Variants in SLC35E3 observed in about 807,000 individuals in gnomAD.
The protein encoded by SLC35E3 is solute carrier family 35 member E3.
A neutral mutation model predicts 30.8 loss-of-function variants in SLC35E3; 28 were observed. The observed-to-expected ratio is 0.91, with a 90% CI of 0.67 to 1.25. The LOEUF (loss-of-function observed/expected upper bound fraction) is 1.25. Among genes scored for constraint, SLC35E3 ranks in the 50% most tolerant of loss-of-function variants. The pLI, the probability that SLC35E3 is intolerant of heterozygous loss-of-function variation, is 0.00. For synonymous variants in SLC35E3, 146 were observed against 149.2 expected, an observed-to-expected ratio of 0.98 and a Z score of 0.16; for missense variants, 365 against 375.4, an observed-to-expected ratio of 0.97 and a Z score of 0.23.
chr12:68,759,052 A>T, intron 3 of SLC35E3, 105 bp from the exon 4 acceptor site: 1 of 866,152 alleles, frequency 1.2e-6, no homozygotes, highest in Non-Finnish European at 1.9e-6. Flanking sequence ...CTTATTTATT[A>T]ATGGTTGATA....
At chr12:68,747,540 T>C (rs574515866) in intron 1 of SLC35E3, among the ~76,000 whole-genome samples, 6 of 152,224 alleles carry the variant, frequency 3.9e-5, no homozygotes, top group Non-Finnish European at 8.8e-5. Context: ...AGCGCTGGGG[T>C]TACAGTGGTG....
At chr12:68,751,210 C>T (rs143347324) in intron 2 of SLC35E3, among the ~76,000 whole-genome samples, 2 of 151,990 alleles carry the variant, frequency 1.3e-5, no homozygotes, top group African/African-American at 4.8e-5. Flanking sequence ...ACTGACGAGA[C>T]CACATACCTT....
chr12:68,751,581 A>G (rs1330706043), intron 2 of SLC35E3, among the ~76,000 whole-genome samples: 1 of 152,156 alleles, frequency 6.6e-6, no homozygotes, highest in Non-Finnish European at 1.5e-5. Flanking sequence ...GGTGTCAGCC[A>G]CTGCTCCTGG....
At chr12:68,757,576 T>C (rs1271490759) in intron 3 of SLC35E3, among the ~76,000 whole-genome samples, 1 of 152,194 alleles carries the variant, frequency 6.6e-6, no homozygotes, top group East Asian at 1.9e-4. Flanking sequence ...ACTTTGTGGA[T>C]GTATGTGAAA....
In SLC35E3 at chr12:68,779,610, G is replaced by C. The variant is rs1260200917; in HGVS notation, c.*14720G>C. On this transcript the variant is annotated 3_prime_UTR_variant, in exon 5 of 5. Transcript: ENST00000398004. ...AGGAAGCCATTTGCAAAACTTCACAGGAAAGTTAAATGAATGAATGAATAA... is the reference window on the plus strand; with the variant it reads ...AGGAAGCCATTTGCAAAACTTCACACGAAAGTTAAATGAATGAATGAATAA... 1 of 152,134 alleles carries C rather than the reference G, an allele frequency of 6.6e-6. No homozygotes were observed. The highest frequency in any genetic ancestry group is 1.9e-4 in the East Asian group (1 of 5,198). The allele number at this position is 152,134 out of a possible 1,614,324, so 9.4% of individuals were successfully genotyped here.
At chr12:68,763,365 T>TTGTG (rs754969282) in intron 4 of SLC35E3, among the ~76,000 whole-genome samples, 9 of 150,830 alleles carry the variant, frequency 6.0e-5, no homozygotes, top group Admixed American at 1.3e-4. Flanking sequence ...ATATAAGTAA[T>TTGTG]TGTGTGTGTG....
chr12:68,765,131 C>T lies in SLC35E3; in HGVS notation c.*241C>T, dbSNP rs1320995040. On this transcript the variant is annotated 3_prime_UTR_variant, in exon 5 of 5. Transcript: ENST00000398004. ...ATTAGCCAGGCGTGGTGGCGCATGCCTGTAATCCCAGCTACTCGGGAGGCT... is the reference window on the plus strand; with the variant it reads ...ATTAGCCAGGCGTGGTGGCGCATGCTTGTAATCCCAGCTACTCGGGAGGCT... 2 of 268,656 alleles carry T rather than the reference C, an allele frequency of 7.4e-6. No individual in the cohort carries two copies. The highest frequency in any genetic ancestry group is 1.4e-5 in the Non-Finnish European group (2 of 140,518). The allele number at this position is 268,656 out of a possible 1,614,324, so 16.6% of individuals were successfully genotyped here. A position where few individuals can be genotyped will look rare whatever the true frequency, so the allele number is the denominator to read the frequency against.
In SLC35E3 at chr12:68,777,130, C is replaced by T. The variant is rs976889371; in HGVS notation, c.*12240C>T. The T allele has an allele frequency of 6.6e-6, 1 of 152,178 alleles. No homozygotes were observed. The highest frequency in any genetic ancestry group is 2.4e-5 in the African/African-American group (1 of 41,436). The allele number at this position is 152,178 out of a possible 1,614,324, so 9.4% of individuals were successfully genotyped here. A position where few individuals can be genotyped will look rare whatever the true frequency, so the allele number is the denominator to read the frequency against. ...TTCAACAGGTATTCAGTAAGCAGAT[C>T]TAGGAAAAACTCACTCTAATAACGT... On this transcript the variant is annotated 3_prime_UTR_variant, in exon 5 of 5. Coordinates refer to ENST00000398004, the MANE Select transcript of SLC35E3 (RefSeq NM_018656.5).
In SLC35E3 at chr12:68,752,160, A is replaced by G; in HGVS notation, c.642A>G (p.Gly214=). The part of the protein sequence containing the change: ...PFFEPVFGEG[G]IFGPWSVSAL... ...TTGAGCCAGTGTTTGGAGAAGGAGG[A>G]ATATTTGGTCCCTGGTCAGTTTCTG... The change falls in exon 3 of 5, where the codon GGA becomes GGG. Residue 214 remains glycine, a synonymous_variant. Transcript: ENST00000398004. 6.2e-7 allele frequency: 1 copy of G among 1,613,186 alleles called. No individual in the cohort carries two copies. Among genetic ancestry groups the G allele is most frequent in the South Asian group, 1.1e-5 (1 of 90,840 alleles).
Position 68,764,946 on chromosome 12 carries a change from G to A in SLC35E3, c.*56G>A. 6.5e-7 allele frequency: 1 copy of A among 1,549,886 alleles called. No individual in the cohort carries two copies. On this transcript the variant is annotated 3_prime_UTR_variant, in exon 5 of 5. Transcript: ENST00000398004. ...CCAAGAAGATAAAAAATATTGTTAAGTGTGCAAGTTATTAAAAAAAAAAAA... is the reference window on the plus strand; with the variant it reads ...CCAAGAAGATAAAAAATATTGTTAAATGTGCAAGTTATTAAAAAAAAAAAA...
intron 4 of SLC35E3, among the ~76,000 whole-genome samples, chr12:68,763,493 G>A (rs761471456): frequency 2.6e-5 from 4 of 151,992 alleles, no homozygotes; most frequent in Admixed American, 6.6e-5. Context: ...AGGTTCAAGC[G>A]ATTCTCCTGC....
chr12:68,751,494 A>G (rs1031157429), intron 2 of SLC35E3, among the ~76,000 whole-genome samples: 4 of 152,022 alleles, frequency 2.6e-5, no homozygotes, highest in African/African-American at 9.7e-5. Context: ...GGGTTTCACC[A>G]TGTTGGCCAG....
At chr12:68,764,619 T>G (rs941204193) in intron 4 of SLC35E3, 85 bp from the exon 5 acceptor site, 4 of 1,292,044 alleles carry the variant, frequency 3.1e-6, no homozygotes, top group Non-Finnish European at 4.3e-6. Flanking sequence ...GGGCTGCTTT[T>G]GGGTTGTTTT....
At chr12:68,761,657 A>G (rs1014817855) in intron 4 of SLC35E3, among the ~76,000 whole-genome samples, 6 of 152,228 alleles carry the variant, frequency 3.9e-5, no homozygotes, top group Non-Finnish European at 7.3e-5. Flanking sequence ...GTTGAGAACT[A>G]CTGGACTGAA....
In SLC35E3 at chr12:68,772,828, A is replaced by C. The variant is rs1420013556; in HGVS notation, c.*7938A>C. The C allele has an allele frequency of 6.6e-6, 1 of 152,134 alleles. No individual in the cohort carries two copies. The highest frequency in any genetic ancestry group is 1.5e-5 in the Non-Finnish European group (1 of 68,034). The allele number at this position is 152,134 out of a possible 1,614,324, so 9.4% of individuals were successfully genotyped here. On this transcript the variant is annotated 3_prime_UTR_variant, in exon 5 of 5. Coordinates refer to ENST00000398004, the MANE Select transcript of SLC35E3 (RefSeq NM_018656.5). ...TTTGTCTTACTCTCCCCCCAAAAAGAGTCAGTTTCCTGTTTTCTCAATTTC... is the reference window on the plus strand; with the variant it reads ...TTTGTCTTACTCTCCCCCCAAAAAGCGTCAGTTTCCTGTTTTCTCAATTTC...
chr12:68,748,155 A>G (rs74103032), intron 2 of SLC35E3, 115 bp downstream of exon 2: 3 of 631,576 alleles, frequency 4.8e-6, no homozygotes, highest in Non-Finnish European at 8.4e-6. Context: ...GGAAGAAAGC[A>G]TAATTGCATA....
In SLC35E3 at chr12:68,766,621, G is replaced by A. The variant is rs1180883257; in HGVS notation, c.*1731G>A. On this transcript the variant is annotated 3_prime_UTR_variant, in exon 5 of 5. Transcript: ENST00000398004. ...TTATTTTCTTATTTTTTGTCTTACA[G>A]TCGACCAGGCTGGAATGCAGTGGCA... 2 of 244,060 alleles carry A rather than the reference G, an allele frequency of 8.2e-6. No homozygotes were observed. The allele number at this position is 244,060 out of a possible 1,614,324, so 15.1% of individuals were successfully genotyped here. A position where few individuals can be genotyped will look rare whatever the true frequency, so the allele number is the denominator to read the frequency against.
rs1386607830 is a variant in SLC35E3, at chr12:68,774,039, A to G, written c.*9149A>G. On this transcript the variant is annotated 3_prime_UTR_variant, in exon 5 of 5. Coordinates refer to ENST00000398004, the MANE Select transcript of SLC35E3 (RefSeq NM_018656.5). Reference sequence around the variant, plus strand: ...ATTAAAAGGGACAGATGTGGCTGGTAGTGTCTATTACCACCTCCTTCCTGC... The same window carrying G: ...ATTAAAAGGGACAGATGTGGCTGGTGGTGTCTATTACCACCTCCTTCCTGC... 2.0e-5 allele frequency: 3 copies of G among 152,204 alleles called. No homozygotes were observed. Among genetic ancestry groups the G allele is most frequent in the Non-Finnish European group, 4.4e-5 (3 of 68,044 alleles). The allele number at this position is 152,204 out of a possible 1,614,324, so 9.4% of individuals were successfully genotyped here.
At chr12:68,747,251 A>G (rs1450266705) in intron 1 of SLC35E3, among the ~76,000 whole-genome samples, 1 of 150,834 alleles carries the variant, frequency 6.6e-6, no homozygotes, top group Non-Finnish European at 1.5e-5. Context: ...TTAGTAACTT[A>G]TTTAAGGTCT....
Sources: gnomAD v4.1 joint callset for allele counts (sites outside exome capture counted in the v4.1 genomes callset) on GRCh38, gnomAD v4.1.1 for gene constraint, MANE v1.5 for transcripts, NCBI Gene and HGNC (gene_info 2026-07-23, HGNC 2026-07-21) for gene names.